SMG6: variants seen among roughly 807,000 people sequenced by gnomAD.
The protein encoded by SMG6 is telomerase-binding protein EST1A.
Under a neutral mutation model 142.2 loss-of-function variants are expected in SMG6, and 66 were observed. The ratio of observed to expected loss-of-function variants is 0.46; its 90% confidence interval spans 0.38 to 0.57. SMG6 has a LOEUF of 0.57. Ranked by LOEUF, SMG6 falls within the 20% of genes least tolerant of loss-of-function variation. The pLI is 0.00. For missense variants in SMG6, 1,793 were observed against 1,832.0 expected (o/e 0.98, Z 0.39); for synonymous variants, 779 against 702.4 (o/e 1.11, Z -1.72).
intron 13 of SMG6, among the ~76,000 whole-genome samples, chr17:2,120,871 C>A (rs1195931776): frequency 6.6e-6 from 1 of 152,154 alleles, no homozygotes; most frequent in Non-Finnish European, 1.5e-5. Context: ...ACAAAATCAT[C>A]TTTGGAAAAA....
At chr17:2,061,802 C>T (rs12939002) in intron 18 of SMG6, 180 bp from the exon 19 acceptor site, 500,199 of 650,552 alleles carry the variant, frequency 0.77, 193,679 homozygotes, top group East Asian at 0.94. Context: ...CCCTGCTGGC[C>T]TAGAGAGGGC....
chr17:2,073,824 A>T (rs1567574828), intron 15 of SMG6, among the ~76,000 whole-genome samples: 1 of 152,010 alleles, frequency 6.6e-6, no homozygotes, highest in Non-Finnish European at 1.5e-5. Flanking sequence ...CGTGCTTGTA[A>T]TCCCAGCACT....
At chr17:2,172,525 C>T in intron 13 of SMG6, 133 bp downstream of exon 13, 4 of 916,332 alleles carry the variant, frequency 4.4e-6, no homozygotes, top group South Asian at 3.4e-5. Context: ...GCTAAAAGGT[C>T]GATATTTTCC....
chr17:2,084,681 G>A (rs886658278), intron 14 of SMG6, among the ~76,000 whole-genome samples: 1 of 152,218 alleles, frequency 6.6e-6, no homozygotes, highest in Non-Finnish European at 1.5e-5. Context: ...CCAAATGACT[G>A]TGTTGGCCTA....
At chr17:2,191,862 C>T (rs1039143738) in intron 10 of SMG6, among the ~76,000 whole-genome samples, 1 of 152,162 alleles carries the variant, frequency 6.6e-6, no homozygotes, top group African/African-American at 2.4e-5. Context: ...AATGGAGCGG[C>T]CGGGAGAAGG....
chr17:2,073,240 C>T (rs1306876277), intron 15 of SMG6, among the ~76,000 whole-genome samples: 2 of 150,912 alleles, frequency 1.3e-5, no homozygotes, highest in African/African-American at 4.9e-5. Context: ...TGAGCCAACA[C>T]GCCCGGCTAA....
At chr17:2,233,427 G>C (rs868342872) in intron 10 of SMG6, 3 of 152,474 alleles carry the variant, frequency 2.0e-5, no homozygotes, top group African/African-American at 7.2e-5. Flanking sequence ...GGGCAAGGCA[G>C]CATCAGGCTC....
At chr17:2,177,378 G>A (rs2071681458) in intron 12 of SMG6, among the ~76,000 whole-genome samples, 1 of 148,502 alleles carries the variant, frequency 6.7e-6, no homozygotes, top group South Asian at 2.1e-4. Flanking sequence ...CTCCACTGGG[G>A]CAGGACTGAG....
At chr17:2,129,793 C>CAAAAAAAAAA (rs57556112) in intron 13 of SMG6, among the ~76,000 whole-genome samples, 19 of 56,330 alleles carry the variant, frequency 3.4e-4, no homozygotes, top group Non-Finnish European at 4.9e-4. Context: ...GGCTCTGTCT[C>CAAAAAAAAAA]AAAAAAAAAA....
chr17:2,201,295 C>G (rs2072513269), intron 10 of SMG6, among the ~76,000 whole-genome samples: 1 of 152,202 alleles, frequency 6.6e-6, no homozygotes, highest in African/African-American at 2.4e-5. Flanking sequence ...ATCACACATA[C>G]AACTCCATAC....
chr17:2,119,100 C>T (rs928513238), intron 13 of SMG6, among the ~76,000 whole-genome samples: 34 of 151,276 alleles, frequency 2.2e-4, no homozygotes, highest in African/African-American at 8.3e-4. Context: ...CTCTGTCGCC[C>T]AGGCTGGAGT....
At chr17:2,161,904 A>G (rs555702674) in intron 13 of SMG6, among the ~76,000 whole-genome samples, 153 of 152,274 alleles carry the variant, frequency 1.0e-3, no homozygotes, top group African/African-American at 3.2e-3. Flanking sequence ...CTCGGGAACT[A>G]TTCTGAGTCC....
At chr17:2,167,935 G>A (rs1443456781) in intron 13 of SMG6, among the ~76,000 whole-genome samples, 2 of 151,804 alleles carry the variant, frequency 1.3e-5, no homozygotes, top group African/African-American at 4.8e-5. Flanking sequence ...GTGCAGTGGC[G>A]CAATCATAAT....
chr17:2,074,953 C>T (rs2151413766), intron 15 of SMG6, among the ~76,000 whole-genome samples: 2 of 152,310 alleles, frequency 1.3e-5, no homozygotes, highest in South Asian at 4.1e-4. Flanking sequence ...GCCAGGCCCC[C>T]AGTGGATGGT....
intron 13 of SMG6, chr17:2,101,753 C>G (rs963244477): frequency 6.6e-6 from 1 of 152,230 alleles, no homozygotes; most frequent in African/African-American, 2.4e-5. Flanking sequence ...CCCACAACCT[C>G]ATGAAGTAGA....
chr17:2,289,913 C>T (rs2074992958), intron 6 of SMG6, among the ~76,000 whole-genome samples: 1 of 140,716 alleles, frequency 7.1e-6, no homozygotes, highest in South Asian at 2.2e-4. Flanking sequence ...GAGGCTCCAT[C>T]TCAAAAAAAA....
At chr17:2,130,313 T>C (rs1178587547) in intron 13 of SMG6, among the ~76,000 whole-genome samples, 3 of 142,480 alleles carry the variant, frequency 2.1e-5, no homozygotes, top group African/African-American at 7.9e-5. Flanking sequence ...ATACCATTAA[T>C]AGTTAACTAG....
chr17:2,153,724 C>T (rs1180643835), intron 13 of SMG6, among the ~76,000 whole-genome samples: 8 of 129,992 alleles, frequency 6.2e-5, no homozygotes, highest in African/African-American at 3.0e-5. Flanking sequence ...TAGAGTGTGA[C>T]GGTGACGGGG....
At chr17:2,115,163 A>G (rs1031223411) in intron 13 of SMG6, among the ~76,000 whole-genome samples, 1 of 152,048 alleles carries the variant, frequency 6.6e-6, no homozygotes, top group Non-Finnish European at 1.5e-5. Context: ...CAAAAAACCC[A>G]GAATAACATT....
Sources: allele counts gnomAD v4.1 joint callset (sites outside exome capture counted in the v4.1 genomes callset), GRCh38; gene constraint gnomAD v4.1.1; transcripts MANE v1.5; gene names NCBI Gene and HGNC (gene_info 2026-07-23, HGNC 2026-07-21).